Variants in PAX7 observed in about 807,000 individuals in gnomAD.
PAX7 encodes paired box 7, also known as paired box protein Pax-7.
In PAX7, 18 loss-of-function variants were observed where a neutral mutation model predicts 50.7. That is an observed-to-expected ratio of 0.36 (90% CI 0.25 to 0.53). PAX7 has a LOEUF of 0.53. Among genes scored for constraint, PAX7 ranks in the 20% least tolerant of loss-of-function variants. PAX7 has a pLI of 0.93. For missense variants in PAX7, 644 were observed against 702.9 expected (o/e 0.92, Z 0.95); for synonymous variants, 310 against 290.4 (o/e 1.07, Z -0.69).
chr1:18,671,700 C>G (rs2100238289), intron 4 of PAX7, among the ~76,000 whole-genome samples: 1 of 152,068 alleles, frequency 6.6e-6, no homozygotes, highest in South Asian at 2.1e-4. Flanking sequence ...AAAATGGGAA[C>G]AGGCCAGGCC....
At chr1:18,650,619 C>A (rs1331853656) in intron 4 of PAX7, among the ~76,000 whole-genome samples, 1 of 152,234 alleles carries the variant, frequency 6.6e-6, no homozygotes, top group African/African-American at 2.4e-5. Flanking sequence ...TTGGAGCAAT[C>A]TGTCCCGATC....
At chr1:18,737,390 G>A (rs1192122755) in intron 8 of PAX7, among the ~76,000 whole-genome samples, 1 of 151,678 alleles carries the variant, frequency 6.6e-6, no homozygotes, top group African/African-American at 2.4e-5. Flanking sequence ...GAGGGCCACT[G>A]CCAAATGAGG....
chr1:18,692,510 C>A (rs989350775), intron 5 of PAX7, among the ~76,000 whole-genome samples: 1 of 150,926 alleles, frequency 6.6e-6, no homozygotes. Flanking sequence ...CCACTGTACT[C>A]CAGCCTGGGT....
At chr1:18,730,310 C>A (rs1348917531) in intron 7 of PAX7, among the ~76,000 whole-genome samples, 1 of 152,214 alleles carries the variant, frequency 6.6e-6, no homozygotes, top group African/African-American at 2.4e-5. Flanking sequence ...GAAAGCCCTT[C>A]TGAGCACTGA....
intron 7 of PAX7, among the ~76,000 whole-genome samples, chr1:18,713,787 G>C (rs1032852812): frequency 5.9e-5 from 9 of 152,204 alleles, no homozygotes; most frequent in Non-Finnish European, 1.0e-4. Context: ...GATTTGCACA[G>C]GGATAAAGGA....
chr1:18,708,443 T>C (rs2089310820), intron 7 of PAX7, among the ~76,000 whole-genome samples: 1 of 151,962 alleles, frequency 6.6e-6, no homozygotes, highest in African/African-American at 2.4e-5. Context: ...TGGTCCCAGC[T>C]ACTAGGGTGG....
chr1:18,675,730 G>C (rs2088813649), intron 4 of PAX7, among the ~76,000 whole-genome samples: 1 of 152,192 alleles, frequency 6.6e-6, no homozygotes, highest in South Asian at 2.1e-4. Context: ...AACTAGCTCA[G>C]AACGGGGCTC....
At chr1:18,685,576 G>A (rs1257250039) in intron 4 of PAX7, among the ~76,000 whole-genome samples, 2 of 152,192 alleles carry the variant, frequency 1.3e-5, no homozygotes, top group East Asian at 3.9e-4. Context: ...GGATGGTGCT[G>A]GGTGAGCACT....
At chr1:18,741,026 G>A (rs961425035) in intron 8 of PAX7, among the ~76,000 whole-genome samples, 2 of 152,204 alleles carry the variant, frequency 1.3e-5, no homozygotes, top group African/African-American at 4.8e-5. Flanking sequence ...TGGTTAATGG[G>A]TGCAAACATA....
At chr1:18,685,891 C>G (rs543848311) in intron 4 of PAX7, among the ~76,000 whole-genome samples, 1 of 152,054 alleles carries the variant, frequency 6.6e-6, no homozygotes, top group Non-Finnish European at 1.5e-5. Flanking sequence ...CCCCCAGCAA[C>G]CTTCCATCCA....
chr1:18,641,491 C>T (rs2088252955), intron 4 of PAX7, among the ~76,000 whole-genome samples: 1 of 152,228 alleles, frequency 6.6e-6, no homozygotes, highest in South Asian at 2.1e-4. Context: ...TCTTGGAACG[C>T]AGGCACGTCT....
In PAX7 at chr1:18,731,102, C is replaced by T. The variant is rs182389857; in HGVS notation, c.1156-4530C>T. Among the ~76,000 whole-genome samples the T allele has an allele frequency of 8.4e-4, 128 of 152,218 alleles. 1 individual carries two copies. The highest frequency in any genetic ancestry group is 2.3e-3 in the African/African-American group (95 of 41,536). The stretch of plus-strand genomic sequence containing the variant: ...TAATACATTAGTGAAAGCAAGGTCA[C>T]CAGGAAAAAAGTAAAATCTACCCGG... On this transcript the variant is annotated intron_variant, in intron 7 of 8. Coordinates refer to ENST00000420770, the MANE Select transcript of PAX7 (RefSeq NM_001135254.2).
chr1:18,668,983 G>A (rs2088705680), intron 4 of PAX7, among the ~76,000 whole-genome samples: 1 of 152,204 alleles, frequency 6.6e-6, no homozygotes, highest in African/African-American at 2.4e-5. Context: ...GGCTATAGAT[G>A]AGTTCTTCCC....
At chr1:18,694,509 TATA>T (rs1557535030) in intron 5 of PAX7, among the ~76,000 whole-genome samples, 3 of 142,780 alleles carry the variant, frequency 2.1e-5, no homozygotes, top group South Asian at 4.7e-4. Context: ...AATAAATAAA[TATA>T]AAATAAAATA....
chr1:18,653,114 C>A (rs1357871888), intron 4 of PAX7, among the ~76,000 whole-genome samples: 1 of 152,184 alleles, frequency 6.6e-6, no homozygotes. Context: ...AATGGCCTTC[C>A]CTGTCTCCTT....
chr1:18,739,911 C>T (rs558776862), intron 8 of PAX7, among the ~76,000 whole-genome samples: 1 of 152,112 alleles, frequency 6.6e-6, no homozygotes, highest in Non-Finnish European at 1.5e-5. Context: ...GCTGATAGAA[C>T]GCTGAAGTGT....
In PAX7 at chr1:18,700,282, G is replaced by A. The variant is rs750134102; in HGVS notation, c.787-371G>A. On this transcript the variant is annotated intron_variant, in intron 5 of 8. Coordinates refer to ENST00000420770, the MANE Select transcript of PAX7 (RefSeq NM_001135254.2). This position sits in a 1 kb window ranked among gnomAD's most constrained non-coding sequence, Gnocchi z 4.8. ...CTTCCTGGAGGAGGTGGTCAAGCAG[G>A]GCACCAGCATCCCTCCAGGAAGGAG... is the stretch of plus-strand genomic sequence containing the variant. Among the ~76,000 whole-genome samples, 1 of 151,992 alleles carries A rather than the reference G, an allele frequency of 6.6e-6. No individual in the cohort carries two copies. The highest frequency in any genetic ancestry group is 1.5e-5 in the Non-Finnish European group (1 of 67,990).
intron 5 of PAX7, among the ~76,000 whole-genome samples, chr1:18,696,067 T>TC (rs983747959): frequency 2.8e-5 from 3 of 108,682 alleles, no homozygotes; most frequent in African/African-American, 1.2e-4. Flanking sequence ...TTTCTTTTCT[T>TC]TTTTTTTTTT....
Position 18,689,829 on chromosome 1 carries a change from C to T in PAX7, c.587-1925C>T, listed in dbSNP as rs2743209. 5.7e-3 allele frequency among the ~76,000 whole-genome samples: 865 copies of T among 152,380 alleles called. 6 individuals carry two copies. Among genetic ancestry groups the T allele is most frequent in the African/African-American group, 0.018 (766 of 41,592 alleles). ...CTGCCTGCAGTGCCCTTCCCTTCAC[C>T]TCCACTTAACATGTAAGGCAGTACT... On this transcript the variant is annotated intron_variant, in intron 4 of 8. Coordinates refer to ENST00000420770, the MANE Select transcript of PAX7 (RefSeq NM_001135254.2).
Sources: gnomAD v4.1 joint callset for allele counts (sites outside exome capture counted in the v4.1 genomes callset) on GRCh38, gnomAD v4.1.1 for gene constraint, Gnocchi (gnomAD v3.1) non-coding constraint, MANE v1.5 for transcripts, NCBI Gene and HGNC (gene_info 2026-07-23, HGNC 2026-07-21) for gene names.